RABGAP1L: variants seen among roughly 807,000 people sequenced by gnomAD.
RABGAP1L encodes the protein RAB GTPase activating protein 1 like, also known as rab GTPase-activating protein 1-like.
Under a neutral mutation model 137.7 loss-of-function variants are expected in RABGAP1L, and 63 were observed. The ratio of observed to expected loss-of-function variants is 0.46; its 90% CI spans 0.37 to 0.56. The LOEUF (loss-of-function observed/expected upper bound fraction) is 0.56. Ranked by LOEUF, RABGAP1L falls within the 20% of genes least tolerant of loss-of-function variation. The pLI is 0.00. For missense variants in RABGAP1L, 1,095 were observed against 1,244.0 expected, an observed-to-expected ratio of 0.88 and a Z score of 1.80; for synonymous variants, 431 against 433.7, an observed-to-expected ratio of 0.99 and a Z score of 0.08.
Position 174,481,290 on chromosome 1 carries a change from C to T in RABGAP1L, c.1710+87145C>T, listed in dbSNP as rs180736943. ...CTGGCTTTGTGTTCCTTCATCTATG[C>T]CACAGTTGAATCATTGACCACTTTT... On this transcript the variant is annotated intron_variant, in intron 13 of 25. Coordinates refer to ENST00000681986, the MANE Select transcript of RABGAP1L (RefSeq NM_001366446.1). Among the ~76,000 whole-genome samples the T allele has an allele frequency of 2.0e-3, 300 of 152,296 alleles. 1 individual carries two copies. Among genetic ancestry groups the T allele is most frequent in the African/African-American group, 6.8e-3 (284 of 41,566 alleles).
At chr1:174,219,432 AATT>A (rs900178949) in intron 2 of RABGAP1L, 137 bp downstream of exon 2, 2 of 589,800 alleles carry the variant, frequency 3.4e-6, no homozygotes. Context: ...TCCAGACCCT[AATT>A]ATTTGGTTTG....
chr1:174,461,112 A>G (rs928396593), intron 13 of RABGAP1L, among the ~76,000 whole-genome samples: 1 of 152,140 alleles, frequency 6.6e-6, no homozygotes, highest in Admixed American at 6.5e-5. Context: ...TGTGTGTGCC[A>G]CACAGCCACC....
At chr1:174,467,228 A>G (rs1039188990) in intron 13 of RABGAP1L, among the ~76,000 whole-genome samples, 1 of 152,196 alleles carries the variant, frequency 6.6e-6, no homozygotes, top group Non-Finnish European at 1.5e-5. Flanking sequence ...ATTTTACTAG[A>G]TGAAGCATCA....
At chr1:174,337,470 C>T (rs544433962) in intron 11 of RABGAP1L, among the ~76,000 whole-genome samples, 1 of 152,202 alleles carries the variant, frequency 6.6e-6, no homozygotes, top group East Asian at 1.9e-4. Flanking sequence ...CATGAAGAGC[C>T]TCCACAGAAA....
At chr1:174,951,515 A>G (rs1233273270) in intron 19 of RABGAP1L, among the ~76,000 whole-genome samples, 3 of 152,260 alleles carry the variant, frequency 2.0e-5, no homozygotes, top group African/African-American at 7.2e-5. Context: ...ATAACAAAGC[A>G]GAGGGAAGTG....
At chr1:174,516,711 T>C (rs1214561865) in intron 13 of RABGAP1L, among the ~76,000 whole-genome samples, 1 of 152,098 alleles carries the variant, frequency 6.6e-6, no homozygotes, top group African/African-American at 2.4e-5. Flanking sequence ...AAAACAAGTG[T>C]GTTATAATTA....
chr1:174,620,288 C>T (rs188787409), intron 13 of RABGAP1L, among the ~76,000 whole-genome samples: 302 of 152,288 alleles, frequency 2.0e-3, no homozygotes, highest in Admixed American at 2.4e-3. Context: ...GCAGACCTAA[C>T]AGCCATCTGC....
rs1667597032 is a variant in RABGAP1L at position 174,195,731 on chromosome 1, T to TCTC, written c.-33-23394_-33-23393insCTC. 3.7e-3 allele frequency among the ~76,000 whole-genome samples: 313 copies of TCTC among 84,806 alleles called. 1 individual carries two copies. Among genetic ancestry groups the TCTC allele is most frequent in the African/African-American group, 0.014 (251 of 18,140 alleles). 55.6% of individuals were successfully genotyped at this position (84,806 alleles called of 152,430 possible). ...TTCTTTCTTTTCTTTCTTTTCTTTCTTTTCTTTCTTTCTTTCTTTCTCTCT... is the reference window on the plus strand; with the variant it reads ...TTCTTTCTTTTCTTTCTTTTCTTTCTCTCTTTCTTTCTTTCTTTCTTTCTCTCT... On this transcript the variant is annotated intron_variant, in intron 1 of 25. Coordinates refer to ENST00000681986, the MANE Select transcript of RABGAP1L (RefSeq NM_001366446.1).
chr1:174,728,292 CA>C lies in RABGAP1L; in HGVS notation c.2170-24019del, dbSNP rs145076991. On this transcript the variant is annotated intron_variant, in intron 17 of 25. Transcript: ENST00000681986. ...TCAGTAACGTTTCAGGTTACAAAAT[CA>C]ATGTACAATAATCAGTAACATTTGT... Among the ~76,000 whole-genome samples the C allele has an allele frequency of 5.3e-3, 800 of 152,190 alleles. 9 individuals carry two copies. The highest frequency in any genetic ancestry group is 0.018 in the African/African-American group (756 of 41,522).
At chr1:174,267,998 A>T (rs1674215352) in intron 7 of RABGAP1L, among the ~76,000 whole-genome samples, 1 of 152,202 alleles carries the variant, frequency 6.6e-6, no homozygotes, top group Non-Finnish European at 1.5e-5. Flanking sequence ...TAGTAAGGGA[A>T]ATAACAGTCT....
intron 1 of RABGAP1L, among the ~76,000 whole-genome samples, chr1:174,196,562 T>C (rs1019594546): frequency 2.0e-5 from 3 of 151,736 alleles, no homozygotes; most frequent in Non-Finnish European, 4.4e-5. Flanking sequence ...TTTTTGAGTT[T>C]TTAATCTTTT....
intron 11 of RABGAP1L, among the ~76,000 whole-genome samples, chr1:174,319,684 T>A (rs569670852): frequency 6.6e-6 from 1 of 152,290 alleles, no homozygotes; most frequent in East Asian, 1.9e-4. Context: ...GTTGTAGGTC[T>A]TTGTAGGTGT....
chr1:174,298,887 C>G (rs2148746970), intron 10 of RABGAP1L, among the ~76,000 whole-genome samples: 1 of 152,318 alleles, frequency 6.6e-6, no homozygotes, highest in East Asian at 1.9e-4. Context: ...TTACCCATCC[C>G]TTTTGTTCTT....
At chr1:174,385,444 A>G (rs1160759899) in intron 12 of RABGAP1L, among the ~76,000 whole-genome samples, 1 of 152,222 alleles carries the variant, frequency 6.6e-6, no homozygotes, top group African/African-American at 2.4e-5. Flanking sequence ...TTCATGTAAC[A>G]TTGAGTTCAA....
chr1:174,614,603 T>C (rs895418128), intron 13 of RABGAP1L, among the ~76,000 whole-genome samples: 2 of 152,188 alleles, frequency 1.3e-5, no homozygotes, highest in Non-Finnish European at 2.9e-5. Flanking sequence ...TCTCTGTATT[T>C]CCTGAATCTG....
At chr1:174,314,223 A>G (rs1679148701) in intron 11 of RABGAP1L, among the ~76,000 whole-genome samples, 1 of 152,164 alleles carries the variant, frequency 6.6e-6, no homozygotes, top group South Asian at 2.1e-4. Context: ...GGATTTCTTC[A>G]TGGTTCAATC....
chr1:174,176,690 C>G (rs1665878939), intron 1 of RABGAP1L, among the ~76,000 whole-genome samples: 1 of 104,672 alleles, frequency 9.6e-6, no homozygotes, highest in Non-Finnish European at 1.7e-5. Flanking sequence ...CCAGCATGGA[C>G]AACAGAGGGA....
intron 11 of RABGAP1L, among the ~76,000 whole-genome samples, chr1:174,339,257 T>C (rs1006432857): frequency 6.6e-6 from 1 of 152,202 alleles, no homozygotes; most frequent in African/African-American, 2.4e-5. Flanking sequence ...TCAAATTTCA[T>C]AGATTGACTT....
At chr1:174,744,412 T>C (rs1683706482) in intron 17 of RABGAP1L, among the ~76,000 whole-genome samples, 1 of 152,224 alleles carries the variant, frequency 6.6e-6, no homozygotes, top group African/African-American at 2.4e-5. Flanking sequence ...TGCATTGCTT[T>C]ATAGATCATA....
Sources: gnomAD v4.1 joint callset for allele counts (sites outside exome capture counted in the v4.1 genomes callset) on GRCh38, gnomAD v4.1.1 for gene constraint, MANE v1.5 for transcripts, NCBI Gene and HGNC (gene_info 2026-07-23, HGNC 2026-07-21) for gene names.